Variants in ZNF407 observed in about 807,000 individuals in gnomAD.
The protein encoded by ZNF407 is zinc finger protein 407.
In ZNF407, 17 loss-of-function variants were observed where a neutral mutation model predicts 131.2. The observed-to-expected ratio is 0.13, with a 90% CI of 0.09 to 0.19. The LOEUF is 0.19. Among genes scored for constraint, ZNF407 ranks in the 10% least tolerant of loss-of-function variants. The probability of loss-of-function intolerance (pLI) is 1.00; values close to 1 mark genes in which losing one functional copy is unlikely to be tolerated. For missense variants in ZNF407, 2,681 were observed against 2,830.6 expected (o/e 0.95, Z 1.20); for synonymous variants, 1,156 against 1,062.0 (o/e 1.09, Z -1.72).
intron 5 of ZNF407, among the ~76,000 whole-genome samples, chr18:74,879,377 C>G (rs1971207150): frequency 1.3e-5 from 2 of 152,136 alleles, no homozygotes. Flanking sequence ...TGCACACACA[C>G]TCCTCACACG....
intron 3 of ZNF407, among the ~76,000 whole-genome samples, chr18:74,772,763 A>G (rs1969387517): frequency 6.6e-6 from 1 of 152,148 alleles, no homozygotes. Context: ...TGACCTGAAC[A>G]TATTTATAGG....
rs1982363077 is a variant in ZNF407 at position 74,597,948 on chromosome 18, C to T, written c.-54+11C>T. The T allele has an allele frequency of 2.0e-5, 3 of 152,596 alleles. No individual in the cohort carries two copies. The highest frequency in any genetic ancestry group is 6.5e-5 in the Admixed American group (1 of 15,274). The allele number at this position is 152,596 out of a possible 1,614,324, so 9.5% of individuals were successfully genotyped here. ...TCCGTCGCCAAACAGGTAAGTTATT[C>T]TCTGGCCGGGGCGGGGGGTTTGGAG... is the stretch of plus-strand genomic sequence containing the variant. On this transcript the variant is annotated intron_variant, in intron 1 of 8. Transcript: ENST00000299687.
intron 1 of ZNF407, among the ~76,000 whole-genome samples, chr18:74,626,770 TC>T (rs1983804463): frequency 6.6e-6 from 1 of 152,120 alleles, no homozygotes; most frequent in South Asian, 2.1e-4. Flanking sequence ...AGACCTCCCT[TC>T]CCCCACAGAG....
chr18:74,919,409 A>C (rs1311728936), intron 7 of ZNF407, among the ~76,000 whole-genome samples: 1 of 152,192 alleles, frequency 6.6e-6, no homozygotes, highest in Non-Finnish European at 1.5e-5. Flanking sequence ...AAGATTCTGC[A>C]GTGCACTGTG....
chr18:74,705,428 T>C (rs1193074375), intron 3 of ZNF407, among the ~76,000 whole-genome samples: 1 of 152,238 alleles, frequency 6.6e-6, no homozygotes, highest in Non-Finnish European at 1.5e-5. Flanking sequence ...AGATGCTGTT[T>C]ATTCTAGAAT....
chr18:74,598,427 C>T (rs950829757), intron 1 of ZNF407: 2 of 152,312 alleles, frequency 1.3e-5, no homozygotes, highest in African/African-American at 2.4e-5. Context: ...CTCGCGTGCC[C>T]GGGTTGCTCT....
intron 3 of ZNF407, among the ~76,000 whole-genome samples, chr18:74,719,225 C>T (rs1967967808): frequency 6.6e-6 from 1 of 152,160 alleles, no homozygotes; most frequent in African/African-American, 2.4e-5. Context: ...GTGTATAATA[C>T]ATTATTGTTA....
intron 3 of ZNF407, among the ~76,000 whole-genome samples, chr18:74,666,200 C>G (rs927466073): frequency 6.6e-6 from 1 of 152,152 alleles, no homozygotes; most frequent in African/African-American, 2.4e-5. Flanking sequence ...TTTTCAGACT[C>G]GCCATTGGCT....
At chr18:74,948,419 C>CT (rs1972178391) in intron 8 of ZNF407, among the ~76,000 whole-genome samples, 1 of 152,270 alleles carries the variant, frequency 6.6e-6, no homozygotes, top group Admixed American at 6.5e-5. Flanking sequence ...TTTTAGCTGA[C>CT]TTTTTTCCCT....
rs1346465767 is a variant in ZNF407, at chr18:74,920,995, TTCATATG to T, written c.5428+305_5428+311del. ...CTGAAATGAGAGTAGTTGTTAAATCTTCATATGTTGACTAATTGCTAAAATTTTAATT... is the reference window on the plus strand; with the variant it reads ...CTGAAATGAGAGTAGTTGTTAAATCTTTGACTAATTGCTAAAATTTTAATT... On this transcript the variant is annotated intron_variant, in intron 8 of 8. Coordinates refer to ENST00000299687, the MANE Select transcript of ZNF407 (RefSeq NM_017757.3). 3 of 1,072,664 alleles carry T rather than the reference TTCATATG, an allele frequency of 2.8e-6. No individual in the cohort carries two copies. The African/African-American group carries it at 4.9e-5, about 18-fold the overall frequency. The allele number at this position is 1,072,664 out of a possible 1,614,324, so 66.4% of individuals were successfully genotyped here. A position where few individuals can be genotyped will look rare whatever the true frequency, so the allele number is the denominator to read the frequency against.
chr18:75,064,225 G>C lies in ZNF407; in HGVS notation c.6504G>C (p.Thr2168=). The part of the protein sequence containing the change: ...ESSGGFSEGT[T]HYILTELPPG... ...GTGGCGGCTTCTCCGAGGGCACCAC[G>C]CACTACATCCTGACAGAGCTGCCCC... Residue 2168 remains threonine (T), a synonymous_variant, in exon 9 of 9, where the codon ACG becomes ACC. Coordinates refer to ENST00000299687, the MANE Select transcript of ZNF407 (RefSeq NM_017757.3). The C allele has an allele frequency of 1.2e-6, 2 of 1,606,624 alleles. No homozygotes were observed. Among genetic ancestry groups the C allele is most frequent in the Non-Finnish European group, 1.7e-6 (2 of 1,178,198 alleles).
chr18:75,008,173 T>G (rs1038801808), intron 8 of ZNF407, among the ~76,000 whole-genome samples: 1 of 152,138 alleles, frequency 6.6e-6, no homozygotes, highest in South Asian at 2.1e-4. Context: ...CATGGAGGTT[T>G]TATTGCTGAC....
At chr18:74,753,018 C>T (rs1391392655) in intron 3 of ZNF407, among the ~76,000 whole-genome samples, 3 of 152,066 alleles carry the variant, frequency 2.0e-5, no homozygotes, top group East Asian at 1.9e-4. Context: ...CATGGAATGT[C>T]CTTCCATTTG....
At chr18:74,606,933 G>T (rs1336299177) in intron 1 of ZNF407, among the ~76,000 whole-genome samples, 1 of 152,176 alleles carries the variant, frequency 6.6e-6, no homozygotes, top group East Asian at 1.9e-4. Context: ...ACTAGGGGTG[G>T]TCTTTTCACT....
At chr18:74,979,481 G>A (rs545817198) in intron 8 of ZNF407, among the ~76,000 whole-genome samples, 29 of 152,218 alleles carry the variant, frequency 1.9e-4, no homozygotes, top group African/African-American at 2.9e-4. Flanking sequence ...TAGTAAAGAC[G>A]GGGTTTCGCC....
At chr18:74,732,586 G>A (rs1316122489) in intron 3 of ZNF407, among the ~76,000 whole-genome samples, 1 of 152,156 alleles carries the variant, frequency 6.6e-6, no homozygotes, top group Non-Finnish European at 1.5e-5. Flanking sequence ...GATAAGCCCT[G>A]CTTCAGATTG....
chr18:74,918,022 G>A (rs1971796012), intron 7 of ZNF407, among the ~76,000 whole-genome samples: 2 of 152,078 alleles, frequency 1.3e-5, no homozygotes, highest in Admixed American at 6.6e-5. Context: ...AATTTGGAAC[G>A]GTTTACCCAG....
chr18:74,994,572 G>A (rs911890743), intron 8 of ZNF407, among the ~76,000 whole-genome samples: 1 of 152,204 alleles, frequency 6.6e-6, no homozygotes, highest in African/African-American at 2.4e-5. Flanking sequence ...CAGAAGGGGA[G>A]GCAGTTCGAC....
rs1226123453 is a variant in ZNF407, at chr18:74,703,721, G to A, written c.4802+62599G>A. On this transcript the variant is annotated intron_variant, in intron 3 of 8. Coordinates refer to ENST00000299687, the MANE Select transcript of ZNF407 (RefSeq NM_017757.3). The surrounding 1 kb of genome is among the most constrained non-coding windows in gnomAD (Gnocchi z 4.1). ...TTTTTTTTTAACTGAATATGGTAAT[G>A]TTTTTAATACATCATCAACAAGTTC... Among the ~76,000 whole-genome samples, 1 of 151,990 alleles carries A rather than the reference G, an allele frequency of 6.6e-6. No homozygotes were observed. The highest frequency in any genetic ancestry group is 1.5e-5 in the Non-Finnish European group (1 of 67,976).
Sources: gnomAD v4.1 joint callset for allele counts (sites outside exome capture counted in the v4.1 genomes callset) on GRCh38, gnomAD v4.1.1 for gene constraint, Gnocchi (gnomAD v3.1) non-coding constraint, MANE v1.5 for transcripts, NCBI Gene and HGNC (gene_info 2026-07-23, HGNC 2026-07-21) for gene names.